FCHSD2: variants seen among roughly 807,000 people sequenced by gnomAD.
FCHSD2 encodes the protein FCH and double SH3 domains 2.
In FCHSD2, 38 loss-of-function variants were observed where a neutral mutation model predicts 108.1. That is an observed-to-expected ratio of 0.35 (90% confidence interval 0.27 to 0.46). The LOEUF (loss-of-function observed/expected upper bound fraction) is 0.46. Ranked by LOEUF, FCHSD2 falls within the 20% of genes least tolerant of loss-of-function variation. The pLI, the probability that FCHSD2 is intolerant of heterozygous loss-of-function variation, is 1.00. For missense variants in FCHSD2, 751 were observed against 897.8 expected (o/e 0.84, Z 2.09); for synonymous variants, 279 against 314.7 (o/e 0.89, Z 1.20).
At chr11:73,118,440 T>A (rs1447337066) in intron 2 of FCHSD2, among the ~76,000 whole-genome samples, 2 of 152,206 alleles carry the variant, frequency 1.3e-5, no homozygotes, top group Non-Finnish European at 2.9e-5. Context: ...TACTGACTTC[T>A]CCACCACCAC....
intron 3 of FCHSD2, among the ~76,000 whole-genome samples, chr11:73,046,651 T>C (rs543398352): frequency 3.3e-5 from 5 of 152,326 alleles, no homozygotes; most frequent in African/African-American, 1.2e-4. Flanking sequence ...ATAGATAGAC[T>C]TCGCTTACAA....
At chr11:73,002,644 G>A (rs907890839) in intron 4 of FCHSD2, among the ~76,000 whole-genome samples, 5 of 152,000 alleles carry the variant, frequency 3.3e-5, no homozygotes, top group Non-Finnish European at 7.4e-5. Flanking sequence ...GGAAGAAAGA[G>A]AGGAAGGGAG....
chr11:73,009,220 G>A (rs181497343), intron 4 of FCHSD2, among the ~76,000 whole-genome samples: 31 of 152,326 alleles, frequency 2.0e-4, no homozygotes, highest in African/African-American at 5.8e-4. Context: ...TACAGGCTGG[G>A]TGTGGTGGCT....
chr11:73,025,382 T>C (rs1435278209), intron 3 of FCHSD2, among the ~76,000 whole-genome samples: 1 of 152,016 alleles, frequency 6.6e-6, no homozygotes, highest in Non-Finnish European at 1.5e-5. Context: ...TGCAAACGAA[T>C]GCAGGAAAAG....
At chr11:72,880,614 A>G (rs1030447702) in intron 12 of FCHSD2, among the ~76,000 whole-genome samples, 1 of 152,132 alleles carries the variant, frequency 6.6e-6, no homozygotes, top group Non-Finnish European at 1.5e-5. Context: ...TAAAGACTTT[A>G]AAAATAAACC....
intron 2 of FCHSD2, among the ~76,000 whole-genome samples, chr11:73,108,172 A>G (rs1268682587): frequency 6.6e-6 from 1 of 152,182 alleles, no homozygotes; most frequent in Non-Finnish European, 1.5e-5. Context: ...ATGATGTTGC[A>G]CCTGTTCAAA....
chr11:73,070,885 A>T (rs904679930), intron 3 of FCHSD2, among the ~76,000 whole-genome samples: 1 of 152,138 alleles, frequency 6.6e-6, no homozygotes, highest in Non-Finnish European at 1.5e-5. Context: ...GAAGTGAAAT[A>T]ATGTGGTCTG....
intron 2 of FCHSD2, among the ~76,000 whole-genome samples, chr11:73,134,198 C>T (rs145608310): frequency 1.3e-5 from 2 of 152,124 alleles, no homozygotes; most frequent in Admixed American, 6.5e-5. Context: ...GCACCATGCA[C>T]AGTGGCTCAT....
chr11:73,055,064 T>C (rs934402267), intron 3 of FCHSD2, among the ~76,000 whole-genome samples: 3 of 152,066 alleles, frequency 2.0e-5, no homozygotes, highest in Non-Finnish European at 2.9e-5. Flanking sequence ...CAAAGGCTCA[T>C]CCTACCTGGC....
intron 3 of FCHSD2, among the ~76,000 whole-genome samples, chr11:73,079,829 T>C (rs1859639845): frequency 6.6e-6 from 1 of 152,148 alleles, no homozygotes; most frequent in African/African-American, 2.4e-5. Flanking sequence ...ACTGGCTCTC[T>C]ATAAATGGGC....
intron 2 of FCHSD2, among the ~76,000 whole-genome samples, chr11:73,111,221 TC>T (rs920528748): frequency 2.0e-5 from 3 of 152,200 alleles, no homozygotes; most frequent in African/African-American, 7.2e-5. Context: ...TGATGTTTCT[TC>T]GCTGATTTTC....
At chr11:72,962,274 G>A (rs1410319621) in intron 8 of FCHSD2, among the ~76,000 whole-genome samples, 1 of 152,186 alleles carries the variant, frequency 6.6e-6, no homozygotes, top group African/African-American at 2.4e-5. Context: ...TCTAGAGGCT[G>A]AATAACGTGA....
At position 72,984,156 on chromosome 11, in the gene FCHSD2, G is replaced by A. The variant is rs753862703; in HGVS notation, c.637C>T (p.Leu213Phe). Residue 213 changes from leucine (L) to phenylalanine (F), a missense_variant, in exon 8 of 20, where the codon CTT becomes TTT. Coordinates refer to ENST00000409418, the MANE Select transcript of FCHSD2 (RefSeq NM_014824.3). ...KATHARNDYL[L>F]TLAAANAHQD... ...TGTGCATTTGCTGCCGCTAGGGTAAGAAGATAATCATTCCTTGCGTGGGTA... is the reference window on the plus strand; with the variant it reads ...TGTGCATTTGCTGCCGCTAGGGTAAAAAGATAATCATTCCTTGCGTGGGTA... 1 of 1,613,382 alleles carries A rather than the reference G, an allele frequency of 6.2e-7. No individual in the cohort carries two copies. Among genetic ancestry groups the A allele is most frequent in the Non-Finnish European group, 8.5e-7 (1 of 1,179,334 alleles).
intron 9 of FCHSD2, among the ~76,000 whole-genome samples, chr11:72,913,708 C>CT (rs1273238953): frequency 1.3e-5 from 2 of 151,628 alleles, no homozygotes; most frequent in South Asian, 2.1e-4. Context: ...TGGTTATTCT[C>CT]TTTTTTTCCT....
chr11:72,903,207 A>ATTTATT (rs1855562632), intron 9 of FCHSD2, among the ~76,000 whole-genome samples: 111 of 10,746 alleles, frequency 0.01, 1 homozygote, highest in African/African-American at 0.012. Flanking sequence ...ATTTATTTAT[A>ATTTATT]TATTTATTTA....
At chr11:73,075,614 G>A (rs960042019) in intron 3 of FCHSD2, among the ~76,000 whole-genome samples, 4 of 152,090 alleles carry the variant, frequency 2.6e-5, no homozygotes, top group Non-Finnish European at 5.9e-5. Context: ...TCAGGAGTTC[G>A]AGACCAGCCT....
At chr11:72,865,160 T>C (rs1260532031) in intron 13 of FCHSD2, among the ~76,000 whole-genome samples, 1 of 152,240 alleles carries the variant, frequency 6.6e-6, no homozygotes, top group Admixed American at 6.5e-5. Context: ...AGATGACGAA[T>C]GCTTTTGTTG....
At chr11:73,034,044 T>C (rs1388196137) in intron 3 of FCHSD2, among the ~76,000 whole-genome samples, 2 of 152,108 alleles carry the variant, frequency 1.3e-5, no homozygotes, top group South Asian at 4.1e-4. Flanking sequence ...TTTTTAAGAG[T>C]TGCTTTTTTC....
At chr11:73,069,438 C>CATAT (rs1199843429) in intron 3 of FCHSD2, among the ~76,000 whole-genome samples, 1 of 141,914 alleles carries the variant, frequency 7.0e-6, no homozygotes, top group Non-Finnish European at 1.5e-5. Flanking sequence ...GGTATAAGAA[C>CATAT]ATATATACAT....
Sources: gnomAD v4.1 joint callset for allele counts (sites outside exome capture counted in the v4.1 genomes callset) on GRCh38, gnomAD v4.1.1 for gene constraint, MANE v1.5 for transcripts, NCBI Gene and HGNC (gene_info 2026-07-23, HGNC 2026-07-21) for gene names.